LDB2: variants seen among roughly 807,000 people sequenced by gnomAD.
The protein encoded by LDB2 is LIM domain binding 2.
LDB2 carries 12 observed loss-of-function variants against 44.3 expected under a neutral mutation model. The ratio of observed to expected loss-of-function variants is 0.27; its 90% CI spans 0.17 to 0.44. The LOEUF (loss-of-function observed/expected upper bound fraction) is 0.44, where lower values mean the gene tolerates loss of function less well. LDB2 is among the 20% of genes least tolerant of loss of function. LDB2 has a pLI of 1.00. For synonymous variants in LDB2, 164 were observed against 174.8 expected, an observed-to-expected ratio of 0.94 and a Z score of 0.49; for missense variants, 344 against 473.5, an observed-to-expected ratio of 0.73 and a Z score of 2.54.
intron 2 of LDB2, among the ~76,000 whole-genome samples, chr4:16,710,435 T>C (rs979790087): frequency 6.6e-6 from 1 of 152,100 alleles, no homozygotes; most frequent in African/African-American, 2.4e-5. Context: ...CTTCCTGGAG[T>C]TGGCCTTGTC....
intron 2 of LDB2, among the ~76,000 whole-genome samples, chr4:16,676,901 G>A (rs1164953587): frequency 1.3e-5 from 2 of 152,210 alleles, no homozygotes; most frequent in Non-Finnish European, 2.9e-5. Flanking sequence ...TAGGGCAAAG[G>A]GCAGAGGTGG....
intron 2 of LDB2, among the ~76,000 whole-genome samples, chr4:16,705,544 A>G (rs773505386): frequency 1.3e-5 from 2 of 152,174 alleles, no homozygotes; most frequent in Non-Finnish European, 2.9e-5. Flanking sequence ...CTGTGGCCTG[A>G]GGGCAAGCCC....
chr4:16,652,813 A>T (rs773312910), intron 2 of LDB2, among the ~76,000 whole-genome samples: 1 of 152,166 alleles, frequency 6.6e-6, no homozygotes, highest in Non-Finnish European at 1.5e-5. Context: ...AGCTCCCCCG[A>T]GGACAGGATT....
At chr4:16,567,850 C>A (rs557161386) in intron 5 of LDB2, among the ~76,000 whole-genome samples, 38 of 152,248 alleles carry the variant, frequency 2.5e-4, no homozygotes, top group African/African-American at 9.1e-4. Context: ...AATTACAGTA[C>A]AAATACTTTT....
At chr4:16,679,255 A>G (rs1332734242) in intron 2 of LDB2, among the ~76,000 whole-genome samples, 2 of 152,142 alleles carry the variant, frequency 1.3e-5, no homozygotes, top group Non-Finnish European at 2.9e-5. Context: ...ATGTGATGTC[A>G]GTGTATAAAG....
intron 1 of LDB2, among the ~76,000 whole-genome samples, chr4:16,849,936 ACTGTG>A: frequency 6.6e-6 from 1 of 152,152 alleles, no homozygotes; most frequent in African/African-American, 2.4e-5. Context: ...TAAAAACAAA[ACTGTG>A]AAAAGTAGGC....
chr4:16,896,396 T>C lies in LDB2; in HGVS notation c.132+1958A>G, dbSNP rs144744612. Among the ~76,000 whole-genome samples the C allele has an allele frequency of 8.6e-4, 131 of 152,246 alleles. No homozygotes were observed. The East Asian group carries it at 0.01, about 12-fold the overall frequency. On this transcript the variant is annotated intron_variant, in intron 1 of 7. Transcript: ENST00000304523. ...CAAATGGGAAACAAACCTGGGACCA[T>C]ATTGAATCCTGCAGTTTTTTTTAAT... is the stretch of plus-strand genomic sequence containing the variant.
intron 2 of LDB2, among the ~76,000 whole-genome samples, chr4:16,699,302 T>C (rs964901213): frequency 6.6e-6 from 1 of 152,352 alleles, no homozygotes; most frequent in South Asian, 2.1e-4. Context: ...TTGATCCATG[T>C]TGGAAAAATC....
chr4:16,738,888 T>C (rs1283190974), intron 2 of LDB2, among the ~76,000 whole-genome samples: 2 of 152,218 alleles, frequency 1.3e-5, no homozygotes, highest in Non-Finnish European at 2.9e-5. Flanking sequence ...ATATTTCTAG[T>C]AATTTGGGGT....
chr4:16,887,005 C>T (rs1396058144), intron 1 of LDB2, among the ~76,000 whole-genome samples: 1 of 133,098 alleles, frequency 7.5e-6, no homozygotes, highest in African/African-American at 2.9e-5. Context: ...TGCACTCCAG[C>T]CTGGGCGACA....
chr4:16,638,965 T>C (rs1734379888), intron 2 of LDB2, among the ~76,000 whole-genome samples: 1 of 152,198 alleles, frequency 6.6e-6, no homozygotes, highest in Admixed American at 6.5e-5. Flanking sequence ...AGAGGGAAAT[T>C]TAACATTTCC....
At chr4:16,628,973 G>A (rs899054957) in intron 2 of LDB2, among the ~76,000 whole-genome samples, 1 of 152,234 alleles carries the variant, frequency 6.6e-6, no homozygotes, top group Non-Finnish European at 1.5e-5. Context: ...GGCTCAGTGG[G>A]TCCCATGCCC....
intron 5 of LDB2, among the ~76,000 whole-genome samples, chr4:16,563,615 ATTT>A (rs1272116766): frequency 7.4e-6 from 1 of 136,024 alleles, no homozygotes; most frequent in Non-Finnish European, 1.6e-5. Flanking sequence ...CGCCTGGCTA[ATTT>A]TTTTTTTTTT....
At chr4:16,555,444 CACAT>C (rs3035366) in intron 5 of LDB2, among the ~76,000 whole-genome samples, 10,131 of 152,122 alleles carry the variant, frequency 0.067, 759 homozygotes, top group African/African-American at 0.18. Flanking sequence ...CATGTGTGTA[CACAT>C]ACATACACAT....
intron 1 of LDB2, among the ~76,000 whole-genome samples, chr4:16,785,007 A>G (rs975602050): frequency 1.8e-5 from 1 of 56,282 alleles, no homozygotes; most frequent in Non-Finnish European, 8.4e-5. Flanking sequence ...ATTGAAGAAC[A>G]GTTTTTTTTT....
chr4:16,608,326 C>T lies in LDB2; in HGVS notation c.236-12451G>A, dbSNP rs142283144. Among the ~76,000 whole-genome samples, 524 of 152,124 alleles carry T rather than the reference C, an allele frequency of 3.4e-3. 2 individuals carry two copies. The highest frequency in any genetic ancestry group is 6.5e-3 in the Admixed American group (100 of 15,300). On this transcript the variant is annotated intron_variant, in intron 2 of 7. Transcript: ENST00000304523. ...GTAAAAAAAGGGTCAGATTCACATTCCTCGGGAGTCCACAGGGGGCTGTGC... is the reference window on the plus strand; with the variant it reads ...GTAAAAAAAGGGTCAGATTCACATTTCTCGGGAGTCCACAGGGGGCTGTGC...
chr4:16,856,363 A>T (rs1789345449), intron 1 of LDB2, among the ~76,000 whole-genome samples: 1 of 152,192 alleles, frequency 6.6e-6, no homozygotes, highest in Non-Finnish European at 1.5e-5. Context: ...AGTGTTAGCA[A>T]GAGTAGACAG....
intron 2 of LDB2, among the ~76,000 whole-genome samples, chr4:16,712,944 C>A (rs1369209297): frequency 6.6e-6 from 1 of 152,126 alleles, no homozygotes; most frequent in East Asian, 1.9e-4. Flanking sequence ...AAAAAGTGGA[C>A]ATAACTCAAA....
chr4:16,501,707 T>G lies in LDB2; in HGVS notation c.*936A>C, dbSNP rs1158405166. The G allele has an allele frequency of 1.3e-5, 2 of 152,608 alleles. No homozygotes were observed. Among genetic ancestry groups the G allele is most frequent in the Non-Finnish European group, 2.9e-5 (2 of 68,034 alleles). The allele number at this position is 152,608 out of a possible 1,614,324, so 9.5% of individuals were successfully genotyped here. On this transcript the variant is annotated 3_prime_UTR_variant, in exon 8 of 8. Coordinates refer to ENST00000304523, the MANE Select transcript of LDB2 (RefSeq NM_001290.5). Reference sequence around the variant, plus strand: ...CTTATAAAGTTTCACATAAATACACTGGAGTTGCCCAAAAACGAAAAGTCC... The same window carrying G: ...CTTATAAAGTTTCACATAAATACACGGGAGTTGCCCAAAAACGAAAAGTCC...
Sources: gnomAD v4.1 joint callset for allele counts (sites outside exome capture counted in the v4.1 genomes callset) on GRCh38, gnomAD v4.1.1 for gene constraint, MANE v1.5 for transcripts, NCBI Gene and HGNC (gene_info 2026-07-23, HGNC 2026-07-21) for gene names.